The following COL10A1 variants were observed in gnomAD, a reference collection of about 807,000 sequenced individuals.
The protein encoded by COL10A1 is collagen alpha-1(X) chain.
A neutral mutation model predicts 18.2 loss-of-function variants in COL10A1; 10 were observed. The observed-to-expected ratio is 0.55, with a 90% confidence interval of 0.34 to 0.93. COL10A1 has a LOEUF of 0.93. Ranked by LOEUF, COL10A1 falls within the 40% of genes least tolerant of loss-of-function variation. COL10A1 has a pLI of 0.02. For missense variants in COL10A1, 897 were observed against 853.5 expected (o/e 1.05, Z -0.64); for synonymous variants, 330 against 316.6 (o/e 1.04, Z -0.45).
chr6:116,140,241 C>A (rs12203393), intron 1 of COL10A1, among the ~76,000 whole-genome samples: 28,998 of 152,090 alleles, frequency 0.19, 3,396 homozygotes, highest in Middle Eastern at 0.34. Flanking sequence ...AAGCCATCAA[C>A]TTATGCTTAT....
chr6:116,214,494 T>G, the COL10A1 span, among the ~76,000 whole-genome samples: 1 of 152,102 alleles, frequency 6.6e-6, no homozygotes, highest in Non-Finnish European at 1.5e-5. Flanking sequence ...CTGTCTGGTT[T>G]TATAGGGGTA....
Position 116,120,282 on chromosome 6 carries a change from C to T in COL10A1, c.1834G>A (p.Val612Ile). 6.2e-7 allele frequency: 1 copy of T among 1,614,182 alleles called. No individual in the cohort carries two copies. The highest frequency in any genetic ancestry group is 8.5e-7 in the Non-Finnish European group (1 of 1,180,030). ...GGGGTGCCATTCTTATACAGGCCTA[C>T]CCAAACATGAGTCCCTTTCACATGC... ...HVHVKGTHVW[V>I]GLYKNGTPVM... Residue 612 changes from valine to isoleucine, a missense_variant, in exon 3 of 3, where the codon GTA becomes ATA. Transcript: ENST00000651968.
At chr6:116,210,203 C>T in the COL10A1 span, among the ~76,000 whole-genome samples, 3 of 151,838 alleles carry the variant, frequency 2.0e-5, no homozygotes, top group Non-Finnish European at 4.4e-5. Context: ...GAGTTCAGTG[C>T]CATGCTTAAA....
At chr6:116,135,440 C>T (rs115185538) in intron 1 of COL10A1, among the ~76,000 whole-genome samples, 4,411 of 151,726 alleles carry the variant, frequency 0.029, 229 homozygotes, top group African/African-American at 0.1. Context: ...TTAACAACTC[C>T]ATGTGAGTTC....
intron 1 of COL10A1, among the ~76,000 whole-genome samples, chr6:116,144,800 TG>T (rs936686534): frequency 2.0e-5 from 3 of 152,080 alleles, no homozygotes; most frequent in Admixed American, 2.0e-4. Context: ...CTGACAACTG[TG>T]AGTTAGTTCA....
intron 1 of COL10A1, among the ~76,000 whole-genome samples, chr6:116,131,913 A>G (rs1779476728): frequency 6.6e-6 from 1 of 152,150 alleles, no homozygotes; most frequent in East Asian, 1.9e-4. Context: ...CTTATAAGTG[A>G]GAACATGCAG....
chr6:116,132,312 C>T (rs992597356), intron 1 of COL10A1, among the ~76,000 whole-genome samples: 3 of 152,134 alleles, frequency 2.0e-5, no homozygotes, highest in African/African-American at 7.2e-5. Context: ...TTGTAGTTTT[C>T]ATTCTTCTTA....
upstream of COL10A1, among the ~76,000 whole-genome samples, chr6:116,129,694 C>T (rs1056735593): frequency 1.3e-4 from 20 of 152,166 alleles, no homozygotes; most frequent in African/African-American, 4.8e-4. Flanking sequence ...CATAAATTAC[C>T]CCGTCTGTGG....
At chr6:116,125,131 A>G (rs1345918688) in intron 2 of COL10A1, among the ~76,000 whole-genome samples, 1 of 152,206 alleles carries the variant, frequency 6.6e-6, no homozygotes, top group African/African-American at 2.4e-5. Context: ...ATATCTTTCA[A>G]CTATATTTTC....
At chr6:116,209,194 GC>G in the COL10A1 span, among the ~76,000 whole-genome samples, 4 of 151,968 alleles carry the variant, frequency 2.6e-5, no homozygotes, top group East Asian at 7.8e-4. Flanking sequence ...TTCTTAAAGG[GC>G]CAGATAGTAA....
the COL10A1 span, among the ~76,000 whole-genome samples, chr6:116,188,453 A>G: frequency 1.3e-5 from 2 of 152,076 alleles, no homozygotes; most frequent in African/African-American, 4.8e-5. Context: ...GTGACATTCT[A>G]TTCATCAATG....
the COL10A1 span, among the ~76,000 whole-genome samples, chr6:116,185,450 G>A: frequency 2.6e-5 from 4 of 152,066 alleles, no homozygotes; most frequent in Non-Finnish European, 5.9e-5. Context: ...GTCTAATGCT[G>A]TCAGTGGAGT....
At chr6:116,206,509 G>A in the COL10A1 span, among the ~76,000 whole-genome samples, 1 of 151,896 alleles carries the variant, frequency 6.6e-6, no homozygotes, top group African/African-American at 2.4e-5. Flanking sequence ...ACCATATCCT[G>A]TAATATACTT....
the COL10A1 span, among the ~76,000 whole-genome samples, chr6:116,164,903 G>A: frequency 6.6e-6 from 1 of 151,974 alleles, no homozygotes; most frequent in East Asian, 1.9e-4. Context: ...CTAACATGGT[G>A]AAACCCCGTC....
the COL10A1 span, among the ~76,000 whole-genome samples, chr6:116,171,561 G>A: frequency 4.6e-4 from 70 of 152,216 alleles, no homozygotes; most frequent in African/African-American, 1.4e-3. Flanking sequence ...CTACCTTTTT[G>A]GGGGGACTAA....
At chr6:116,208,885 TA>T in the COL10A1 span, among the ~76,000 whole-genome samples, 1 of 151,938 alleles carries the variant, frequency 6.6e-6, no homozygotes, top group African/African-American at 2.4e-5. Flanking sequence ...AATATACTAA[TA>T]GAGAACCCAG....
chr6:116,124,396 T>C (rs1779230313), intron 2 of COL10A1, among the ~76,000 whole-genome samples: 1 of 152,170 alleles, frequency 6.6e-6, no homozygotes, highest in Non-Finnish European at 1.5e-5. Context: ...TTAGTGAATA[T>C]GAGGCCTAGA....
chr6:116,163,258 T>A (rs1206649387), upstream of COL10A1, among the ~76,000 whole-genome samples: 1 of 150,238 alleles, frequency 6.7e-6, no homozygotes, highest in Non-Finnish European at 1.5e-5. Context: ...TGTTTGTTTG[T>A]TTTGGTTGGT....
the COL10A1 span, among the ~76,000 whole-genome samples, chr6:116,213,304 T>C: frequency 2.0e-5 from 3 of 152,064 alleles, no homozygotes; most frequent in African/African-American, 7.2e-5. Flanking sequence ...AGCTCAACAC[T>C]CAGCTGGGGC....
Sources: gnomAD v4.1 joint callset for allele counts (sites outside exome capture counted in the v4.1 genomes callset) on GRCh38, gnomAD v4.1.1 for gene constraint, MANE v1.5 for transcripts, NCBI Gene and HGNC (gene_info 2026-07-23, HGNC 2026-07-21) for gene names.